LATS1: variants seen among roughly 807,000 people sequenced by gnomAD.
The protein encoded by LATS1 is serine/threonine-protein kinase LATS1.
A neutral mutation model predicts 106.6 loss-of-function variants in LATS1; 25 were observed. That is an observed-to-expected ratio of 0.23 (90% CI 0.17 to 0.33). The LOEUF (loss-of-function observed/expected upper bound fraction) is 0.33, where lower values mean the gene tolerates loss of function less well. Among genes scored for constraint, LATS1 ranks in the 10% least tolerant of loss-of-function variants. The pLI is 1.00. For missense variants in LATS1, 1,040 were observed against 1,382.6 expected, an observed-to-expected ratio of 0.75 and a Z score of 3.93; for synonymous variants, 465 against 455.6, an observed-to-expected ratio of 1.02 and a Z score of -0.26.
chr6:149,692,638 T>C (rs972772971), intron 3 of LATS1, among the ~76,000 whole-genome samples: 2 of 151,940 alleles, frequency 1.3e-5, no homozygotes, highest in Admixed American at 1.3e-4. Flanking sequence ...GAAGAATGAC[T>C]ACAGCCCTCT....
Position 149,675,109 on chromosome 6 carries a change from C to G in LATS1, c.2883+1151G>C, listed in dbSNP as rs146170550. Among the ~76,000 whole-genome samples, 1,261 of 150,906 alleles carry G rather than the reference C, an allele frequency of 8.4e-3. 19 individuals are homozygous for G. Among genetic ancestry groups the G allele is most frequent in the African/African-American group, 0.03 (1,214 of 41,072 alleles). ...GCGCATGCCTGTAATCCCAGCTACTCGGGAGGCTGAGGCACGAGAATTGCT... is the reference window on the plus strand; with the variant it reads ...GCGCATGCCTGTAATCCCAGCTACTGGGGAGGCTGAGGCACGAGAATTGCT... On this transcript the variant is annotated intron_variant, in intron 7 of 7. Coordinates refer to ENST00000543571, the MANE Select transcript of LATS1 (RefSeq NM_004690.4).
At chr6:149,712,703 A>G (rs571752969) in intron 1 of LATS1, among the ~76,000 whole-genome samples, 1 of 152,214 alleles carries the variant, frequency 6.6e-6, no homozygotes, top group African/African-American at 2.4e-5. Context: ...TAATATTTCT[A>G]AAAGTTAGGG....
chr6:149,661,666 C>A lies in LATS1; in HGVS notation c.*63G>T. The A allele has an allele frequency of 7.1e-7, 1 of 1,416,314 alleles. No homozygotes were observed. Among genetic ancestry groups the A allele is most frequent in the Non-Finnish European group, 9.5e-7 (1 of 1,053,344 alleles). The allele number at this position is 1,416,314 out of a possible 1,614,324, so 87.7% of individuals were successfully genotyped here. ...TATTTGCATAATTTTACTCTCAGAA[C>A]CTCAAAACACCTCGCATTTCAGGCC... On this transcript the variant is annotated 3_prime_UTR_variant, in exon 8 of 8. Coordinates refer to ENST00000543571, the MANE Select transcript of LATS1 (RefSeq NM_004690.4).
intron 3 of LATS1, among the ~76,000 whole-genome samples, chr6:149,694,053 G>A (rs1040312467): frequency 6.6e-6 from 1 of 151,992 alleles, no homozygotes; most frequent in African/African-American, 2.4e-5. Flanking sequence ...ACATACCACT[G>A]TACTCCAGCC....
chr6:149,695,296 G>T, intron 2 of LATS1, 75 bp from the exon 3 acceptor site: 1 of 886,022 alleles, frequency 1.1e-6, no homozygotes, highest in Non-Finnish European at 1.7e-6. Flanking sequence ...AGAACACTAT[G>T]AGTTCCACTA....
intron 1 of LATS1, 113 bp from the exon 2 acceptor site, chr6:149,702,379 C>A: frequency 2.9e-6 from 1 of 347,274 alleles, no homozygotes; most frequent in Admixed American, 4.2e-5. Flanking sequence ...ATAGTTCTGA[C>A]TCCATTAAGG....
At chr6:149,671,172 A>G (rs34157004) in intron 7 of LATS1, among the ~76,000 whole-genome samples, 67,643 of 151,496 alleles carry the variant, frequency 0.45, 16,346 homozygotes, top group East Asian at 0.81. Context: ...TCGCTCTGTC[A>G]TCCCAGGCTG....
At position 149,659,609 on chromosome 6, in the gene LATS1, A is replaced by G. The variant is rs948448889; in HGVS notation, c.*2120T>C. On this transcript the variant is annotated 3_prime_UTR_variant, in exon 8 of 8. Coordinates refer to ENST00000543571, the MANE Select transcript of LATS1 (RefSeq NM_004690.4). ...ATGTAACAAAGTTATCTTCTACTGT[A>G]TTGCACCTTAGTCCAAAAGTAAAAC... 5 of 230,662 alleles carry G rather than the reference A, an allele frequency of 2.2e-5. No individual in the cohort carries two copies. Among genetic ancestry groups the G allele is most frequent in the Non-Finnish European group, 4.3e-5 (5 of 116,522 alleles). 14.3% of individuals were successfully genotyped at this position (230,662 alleles called of 1,614,324 possible). A position where few individuals can be genotyped will look rare whatever the true frequency, so the allele number is the denominator to read the frequency against.
chr6:149,676,378 A>G lies in LATS1; in HGVS notation c.2777-12T>C. 1 of 1,546,904 alleles carries G rather than the reference A, an allele frequency of 6.5e-7. No homozygotes were observed. The highest frequency in any genetic ancestry group is 8.9e-7 in the Non-Finnish European group (1 of 1,122,610). ...CAACTGTGTGTATCCTAAAATAACA[A>G]AGTTATTTATAAGCACTTTAAAAAT... On this transcript the variant is annotated splice_polypyrimidine_tract_variant and intron_variant, in intron 6 of 7. Transcript: ENST00000543571.
intron 2 of LATS1, among the ~76,000 whole-genome samples, chr6:149,701,273 T>G (rs1200695953): frequency 6.6e-6 from 1 of 152,228 alleles, no homozygotes; most frequent in Non-Finnish European, 1.5e-5. Flanking sequence ...AGAGAAATAT[T>G]AAAGACTTGG....
chr6:149,697,173 G>A (rs745580670), intron 2 of LATS1: 7 of 1,332,038 alleles, frequency 5.3e-6, no homozygotes, highest in Non-Finnish European at 7.0e-6. Flanking sequence ...ACAGGCTACT[G>A]ACAGATGATC....
intron 7 of LATS1, among the ~76,000 whole-genome samples, chr6:149,668,230 T>C (rs916294111): frequency 6.6e-6 from 1 of 151,684 alleles, no homozygotes; most frequent in Non-Finnish European, 1.5e-5. Context: ...CAAGTGATAA[T>C]ATTCTAAGGA....
At chr6:149,702,487 A>G (rs895221658) in intron 1 of LATS1, 1 of 170,636 alleles carries the variant, frequency 5.9e-6, no homozygotes, top group Admixed American at 6.2e-5. Context: ...ATGATTTAAA[A>G]AAAAAAAAAA....
intron 7 of LATS1, among the ~76,000 whole-genome samples, chr6:149,670,445 T>C (rs1375143063): frequency 6.6e-6 from 1 of 151,612 alleles, no homozygotes; most frequent in South Asian, 2.1e-4. Flanking sequence ...GCCAGGAGAG[T>C]GCTTCATGAA....
chr6:149,667,839 T>C (rs1405368430), intron 7 of LATS1, among the ~76,000 whole-genome samples: 1 of 152,232 alleles, frequency 6.6e-6, no homozygotes, highest in African/African-American at 2.4e-5. Context: ...ATTGCAGATG[T>C]CTCATCAAAT....
intron 3 of LATS1, among the ~76,000 whole-genome samples, chr6:149,686,736 T>C (rs1026759709): frequency 6.6e-6 from 1 of 152,214 alleles, no homozygotes; most frequent in Admixed American, 6.5e-5. Flanking sequence ...GCCACACTAA[T>C]TCCTCTCACC....
chr6:149,705,060 T>C (rs6913486), intron 1 of LATS1, among the ~76,000 whole-genome samples: 51,822 of 151,168 alleles, frequency 0.34, 10,560 homozygotes, highest in East Asian at 0.81. Flanking sequence ...TCAAACTCTA[T>C]TACAAGCAGC....
chr6:149,704,887 TACACACACACACACAC>T (rs57029776), intron 1 of LATS1, among the ~76,000 whole-genome samples: 19 of 139,876 alleles, frequency 1.4e-4, no homozygotes, highest in South Asian at 4.7e-4. Flanking sequence ...AAATTAATTA[TACACACACACACACAC>T]ACACACACAC....
At chr6:149,683,048 G>A (rs1423143997) in intron 4 of LATS1, 31 bp downstream of exon 4, 8 of 1,541,262 alleles carry the variant, frequency 5.2e-6, no homozygotes, top group African/African-American at 1.4e-5. Context: ...AGATGATTAA[G>A]TATAAAAATG....
Sources: allele counts gnomAD v4.1 joint callset (sites outside exome capture counted in the v4.1 genomes callset), GRCh38; gene constraint gnomAD v4.1.1; transcripts MANE v1.5; gene names NCBI Gene and HGNC (gene_info 2026-07-23, HGNC 2026-07-21).